Variants in B3GAT2 observed in about 807,000 individuals in gnomAD.
The protein encoded by B3GAT2 is beta-1,3-glucuronyltransferase 2, also known as galactosylgalactosylxylosylprotein 3-beta-glucuronosyltransferase 2.
A neutral mutation model predicts 27.8 loss-of-function variants in B3GAT2; 26 were observed. The ratio of observed to expected loss-of-function variants is 0.93; its 90% CI spans 0.68 to 1.30. The LOEUF is 1.30. Among genes scored for constraint, B3GAT2 ranks in the 50% most tolerant of loss-of-function variants. The pLI is 0.00. For synonymous variants in B3GAT2, 218 were observed against 195.1 expected, an observed-to-expected ratio of 1.12 and a Z score of -0.98; for missense variants, 458 against 459.0, an observed-to-expected ratio of 1.00 and a Z score of 0.02.
In B3GAT2 at chr6:70,932,527, AT is replaced by A. The variant is rs529998251; in HGVS notation, c.591+23311del. On this transcript the variant is annotated intron_variant, in intron 1 of 3. Coordinates refer to ENST00000230053, the MANE Select transcript of B3GAT2 (RefSeq NM_080742.3). ...ATGAACCTTAAGGACATTAAGTGAA[AT>A]AAACCAGACACAAAAGTATAAATAT... is the stretch of plus-strand genomic sequence containing the variant. Among the ~76,000 whole-genome samples the A allele has an allele frequency of 1.8e-4, 27 of 152,342 alleles. No homozygotes were observed. In the South Asian group the frequency reaches 5.4e-3, roughly 30 times the overall value.
At position 70,922,876 on chromosome 6, in the gene B3GAT2, G is replaced by A. The variant is rs113814458; in HGVS notation, c.592-28604C>T. On this transcript the variant is annotated intron_variant, in intron 1 of 3. Coordinates refer to ENST00000230053, the MANE Select transcript of B3GAT2 (RefSeq NM_080742.3). Reference sequence around the variant, plus strand: ...AAAAGCAAAGTGCAGTGTTGGATTTGTGAATCTGGCTCCTAGAAATCCAAC... The same window carrying A: ...AAAAGCAAAGTGCAGTGTTGGATTTATGAATCTGGCTCCTAGAAATCCAAC... 9.3e-3 allele frequency among the ~76,000 whole-genome samples: 1,416 copies of A among 152,302 alleles called. 11 individuals carry two copies. Among genetic ancestry groups the A allele is most frequent in the Middle Eastern group, 0.048 (14 of 294 alleles).
chr6:70,901,885 T>G (rs2150035080), intron 1 of B3GAT2, among the ~76,000 whole-genome samples: 1 of 152,306 alleles, frequency 6.6e-6, no homozygotes, highest in South Asian at 2.1e-4. Context: ...GAAAAGTATG[T>G]GTATAAAGAT....
chr6:70,946,981 A>G (rs1187871280), intron 1 of B3GAT2, among the ~76,000 whole-genome samples: 1 of 152,192 alleles, frequency 6.6e-6, no homozygotes, highest in Non-Finnish European at 1.5e-5. Flanking sequence ...CTGAATGACT[A>G]CTGGGTACAT....
In B3GAT2 at chr6:70,860,550, A is replaced by G; in HGVS notation, c.*1113T>C. On this transcript the variant is annotated 3_prime_UTR_variant, in exon 4 of 4. Transcript: ENST00000230053. ...TTTTATGTCAAGGGCAGCTTTGCTCATATTTCCCATGATTTCATGTACTGC... is the reference window on the plus strand; with the variant it reads ...TTTTATGTCAAGGGCAGCTTTGCTCGTATTTCCCATGATTTCATGTACTGC... The G allele has an allele frequency of 2.1e-6, 1 of 480,912 alleles. No homozygotes were observed. The highest frequency in any genetic ancestry group is 6.1e-5 in the South Asian group (1 of 16,460). 29.8% of individuals were successfully genotyped at this position (480,912 alleles called of 1,614,324 possible).
At chr6:70,868,047 TCTGA>T (rs1771879263) in intron 2 of B3GAT2, among the ~76,000 whole-genome samples, 1 of 151,870 alleles carries the variant, frequency 6.6e-6, no homozygotes, top group African/African-American at 2.4e-5. Context: ...AAAAAAAAAA[TCTGA>T]CTATCACAAT....
chr6:70,894,337 G>C (rs1010159996), intron 1 of B3GAT2, 65 bp from the exon 2 acceptor site: 1 of 1,479,054 alleles, frequency 6.8e-7, no homozygotes, highest in African/African-American at 1.4e-5. Flanking sequence ...AAATGAATGT[G>C]ATCTATGTAG....
intron 1 of B3GAT2, among the ~76,000 whole-genome samples, chr6:70,914,094 G>C (rs1375945936): frequency 6.6e-6 from 1 of 151,762 alleles, no homozygotes; most frequent in Admixed American, 6.6e-5. Flanking sequence ...GCATGAGATG[G>C]GTCTCTTGAA....
chr6:70,879,639 A>G (rs556740323), intron 2 of B3GAT2, among the ~76,000 whole-genome samples: 1 of 152,262 alleles, frequency 6.6e-6, no homozygotes, highest in African/African-American at 2.4e-5. Context: ...AATGTTGGCT[A>G]ATAGTGCAGG....
intron 1 of B3GAT2, among the ~76,000 whole-genome samples, chr6:70,917,189 G>A (rs796833330): frequency 3.9e-4 from 60 of 152,264 alleles, no homozygotes; most frequent in African/African-American, 1.4e-3. Context: ...TTTGCGTAGA[G>A]GTGTTTATAG....
chr6:70,925,036 C>T (rs763542739), intron 1 of B3GAT2, among the ~76,000 whole-genome samples: 2 of 152,234 alleles, frequency 1.3e-5, no homozygotes, highest in Non-Finnish European at 2.9e-5. Context: ...ACCAGTCCTG[C>T]GGCCTTCGCC....
chr6:70,873,936 G>A (rs922965164), intron 2 of B3GAT2, among the ~76,000 whole-genome samples: 22 of 151,672 alleles, frequency 1.5e-4, no homozygotes, highest in Non-Finnish European at 4.4e-5. Flanking sequence ...ATCTCTATTT[G>A]TGAGACATCA....
chr6:70,899,035 C>T (rs1344754533), intron 1 of B3GAT2, among the ~76,000 whole-genome samples: 1 of 151,806 alleles, frequency 6.6e-6, no homozygotes, highest in Non-Finnish European at 1.5e-5. Flanking sequence ...TAAATGTGGG[C>T]CCACATGTAA....
At chr6:70,887,109 TC>T (rs2150028694) in intron 2 of B3GAT2, among the ~76,000 whole-genome samples, 1 of 152,300 alleles carries the variant, frequency 6.6e-6, no homozygotes, top group South Asian at 2.1e-4. Flanking sequence ...CACGAATGAC[TC>T]CAAAGTGGCA....
chr6:70,904,002 A>C (rs1772554265), intron 1 of B3GAT2, among the ~76,000 whole-genome samples: 1 of 152,238 alleles, frequency 6.6e-6, no homozygotes, highest in South Asian at 2.1e-4. Context: ...TCAACTTGTA[A>C]ATAGATAAAC....
At chr6:70,936,706 G>A (rs1211241482) in intron 1 of B3GAT2, among the ~76,000 whole-genome samples, 34 of 151,776 alleles carry the variant, frequency 2.2e-4, no homozygotes, top group South Asian at 2.1e-4. Flanking sequence ...TGAAACCAAC[G>A]AGAACAAAGA....
intron 1 of B3GAT2, among the ~76,000 whole-genome samples, chr6:70,923,047 A>T (rs996542931): frequency 2.6e-5 from 4 of 152,178 alleles, no homozygotes; most frequent in Non-Finnish European, 5.9e-5. Flanking sequence ...TAAAACATAT[A>T]AAGGACTATG....
intron 2 of B3GAT2, among the ~76,000 whole-genome samples, chr6:70,893,842 G>C (rs190359893): frequency 6.6e-6 from 1 of 152,158 alleles, no homozygotes; most frequent in Non-Finnish European, 1.5e-5. Flanking sequence ...CGAATCCCCA[G>C]TGGCCAACCC....
At chr6:70,891,142 T>C (rs1240500972) in intron 2 of B3GAT2, among the ~76,000 whole-genome samples, 2 of 152,130 alleles carry the variant, frequency 1.3e-5, no homozygotes, top group African/African-American at 4.8e-5. Context: ...ATCCTCAGAT[T>C]CCTGAGGTGT....
rs551910843 is a variant in B3GAT2 at position 70,949,143 on chromosome 6, G to A, written c.591+6696C>T. Among the ~76,000 whole-genome samples, 5 of 152,082 alleles carry A rather than the reference G, an allele frequency of 3.3e-5. No homozygotes were observed. The East Asian group carries it at 9.7e-4, about 29-fold the overall frequency. On this transcript the variant is annotated intron_variant, in intron 1 of 3. Coordinates refer to ENST00000230053, the MANE Select transcript of B3GAT2 (RefSeq NM_080742.3). Reference sequence around the variant, plus strand: ...GCATTACCATTCAGGACATAGGCATGGGCAAGGACTTCATGTCTAAAACAC... The same window carrying A: ...GCATTACCATTCAGGACATAGGCATAGGCAAGGACTTCATGTCTAAAACAC...
Sources: allele counts gnomAD v4.1 joint callset (sites outside exome capture counted in the v4.1 genomes callset), GRCh38; gene constraint gnomAD v4.1.1; transcripts MANE v1.5; gene names NCBI Gene and HGNC (gene_info 2026-07-23, HGNC 2026-07-21).